Variants in PDK1 observed in about 807,000 individuals in gnomAD.
The protein encoded by PDK1 is pyruvate dehydrogenase kinase 1.
A neutral mutation model predicts 54.2 loss-of-function variants in PDK1; 39 were observed. The ratio of observed to expected loss-of-function variants is 0.72; its 90% CI spans 0.56 to 0.94. The LOEUF is 0.94. PDK1 is among the 40% of genes least tolerant of loss of function. PDK1 has a pLI of 0.00. For missense variants in PDK1, 552 were observed against 566.0 expected (o/e 0.98, Z 0.25); for synonymous variants, 221 against 207.1 (o/e 1.07, Z -0.58).
chr2:172,682,450 G>A, the PDK1 span, among the ~76,000 whole-genome samples: 1 of 152,246 alleles, frequency 6.6e-6, no homozygotes, highest in African/African-American at 2.4e-5. Flanking sequence ...CATAGGGAGT[G>A]TGGTGGAGAT....
chr2:172,640,960 T>C, the PDK1 span, among the ~76,000 whole-genome samples: 1 of 148,108 alleles, frequency 6.8e-6, no homozygotes, highest in Admixed American at 6.7e-5. Flanking sequence ...TCTCTTTCTC[T>C]GTTTCTCTCT....
At chr2:172,612,848 C>T (rs1445029086), downstream of PDK1, among the ~76,000 whole-genome samples, 2 of 151,986 alleles carry the variant, frequency 1.3e-5, no homozygotes, top group South Asian at 2.1e-4. Context: ...TTAGTGGAGA[C>T]GGGGTTTCAC....
At chr2:172,581,083 T>C (rs572232590) in intron 8 of PDK1, among the ~76,000 whole-genome samples, 8 of 152,294 alleles carry the variant, frequency 5.3e-5, no homozygotes, top group Non-Finnish European at 7.4e-5. Context: ...ATTAATTATA[T>C]GGTATATAAA....
chr2:172,640,225 G>A, the PDK1 span, among the ~76,000 whole-genome samples: 1 of 152,216 alleles, frequency 6.6e-6, no homozygotes, highest in Non-Finnish European at 1.5e-5. Context: ...ACTGGAGAAT[G>A]TAAACATTTT....
chr2:172,650,178 A>G, the PDK1 span, among the ~76,000 whole-genome samples: 3 of 152,228 alleles, frequency 2.0e-5, 1 homozygote, highest in Middle Eastern at 6.3e-3. Context: ...AGTGGGGGCC[A>G]ATATTCAACA....
At position 172,597,458 on chromosome 2, in the gene PDK1, C is replaced by T. The variant is rs541192644; in HGVS notation, c.*1489C>T. 1 of 152,224 alleles carries T rather than the reference C, an allele frequency of 6.6e-6. No homozygotes were observed. Among genetic ancestry groups the T allele is most frequent in the Non-Finnish European group, 1.5e-5 (1 of 68,034 alleles). 9.4% of individuals were successfully genotyped at this position (152,224 alleles called of 1,614,324 possible). A position where few individuals can be genotyped will look rare whatever the true frequency, so the allele number is the denominator to read the frequency against. Reference sequence around the variant, plus strand: ...ATATTTTCTAAAACTATCCAGATTTCATTATCAGGGAAAAGTTTGCTTAGG... The same window carrying T: ...ATATTTTCTAAAACTATCCAGATTTTATTATCAGGGAAAAGTTTGCTTAGG... On this transcript the variant is annotated 3_prime_UTR_variant, in exon 11 of 11. Transcript: ENST00000282077.
At chr2:172,616,567 G>T in the PDK1 span, among the ~76,000 whole-genome samples, 1 of 152,196 alleles carries the variant, frequency 6.6e-6, no homozygotes, top group East Asian at 1.9e-4. Flanking sequence ...CAGGCTAATG[G>T]TTGCATGGAT....
chr2:172,578,925 A>G (rs922301997), intron 8 of PDK1, among the ~76,000 whole-genome samples: 3 of 152,208 alleles, frequency 2.0e-5, no homozygotes, highest in African/African-American at 7.2e-5. Flanking sequence ...TGTTCAGGAG[A>G]ATATCTTCAA....
In PDK1 at chr2:172,596,257, G is replaced by A. The variant is rs1053560040; in HGVS notation, c.*288G>A. On this transcript the variant is annotated 3_prime_UTR_variant, in exon 11 of 11. Coordinates refer to ENST00000282077, the MANE Select transcript of PDK1 (RefSeq NM_002610.5). ...AGACTTCAGAAGTGTGGAAATCTTC[G>A]GGTTTCTATAGGAAACTAGTTTTTT... The A allele has an allele frequency of 4.4e-6, 1 of 228,458 alleles. No homozygotes were observed. The highest frequency in any genetic ancestry group is 1.7e-4 in the South Asian group (1 of 5,804). The allele number at this position is 228,458 out of a possible 1,614,324, so 14.2% of individuals were successfully genotyped here.
At chr2:172,585,517 G>A (rs2149273627) in intron 8 of PDK1, among the ~76,000 whole-genome samples, 1 of 151,760 alleles carries the variant, frequency 6.6e-6, no homozygotes, top group East Asian at 1.9e-4. Flanking sequence ...GTAGAGATGG[G>A]GTTTCGCTGT....
At chr2:172,650,188 A>G in the PDK1 span, among the ~76,000 whole-genome samples, 2 of 152,242 alleles carry the variant, frequency 1.3e-5, no homozygotes, top group Non-Finnish European at 2.9e-5. Flanking sequence ...AATATTCAAC[A>G]TTCTTAAAGA....
chr2:172,622,230 T>TATTATGTGAGATGTTTATATCTC, the PDK1 span, among the ~76,000 whole-genome samples: 8,090 of 125,926 alleles, frequency 0.064, 748 homozygotes, highest in Non-Finnish European at 0.086. Context: ...TTATATCTCA[T>TATTATGTGAGATGTTTATATCTC]ATATTATGTG....
the PDK1 span, among the ~76,000 whole-genome samples, chr2:172,614,794 T>G: frequency 6.6e-6 from 1 of 152,260 alleles, no homozygotes; most frequent in African/African-American, 2.4e-5. Context: ...CATAGAGGTT[T>G]CTGGCCAGAA....
the PDK1 span, among the ~76,000 whole-genome samples, chr2:172,709,396 C>G: frequency 6.6e-6 from 1 of 152,142 alleles, no homozygotes; most frequent in African/African-American, 2.4e-5. Flanking sequence ...AGTCCACCTA[C>G]CAAATGACCC....
At chr2:172,630,481 G>C in the PDK1 span, among the ~76,000 whole-genome samples, 1 of 152,168 alleles carries the variant, frequency 6.6e-6, no homozygotes, top group Non-Finnish European at 1.5e-5. Flanking sequence ...ATATTGGAGA[G>C]AACAGACAGA....
At chr2:172,716,241 C>T in the PDK1 span, among the ~76,000 whole-genome samples, 1 of 149,106 alleles carries the variant, frequency 6.7e-6, no homozygotes, top group African/African-American at 2.5e-5. Context: ...TTTACTTGGA[C>T]TACACATTCA....
At chr2:172,580,049 AGTTTT>A (rs1689812518) in intron 8 of PDK1, among the ~76,000 whole-genome samples, 1 of 150,612 alleles carries the variant, frequency 6.6e-6, no homozygotes, top group Non-Finnish European at 1.5e-5. Context: ...ATTCTGCTCT[AGTTTT>A]ATTTTATTGC....
chr2:172,682,966 T>C, the PDK1 span, among the ~76,000 whole-genome samples: 1 of 152,164 alleles, frequency 6.6e-6, no homozygotes, highest in South Asian at 2.1e-4. Flanking sequence ...TTTGTGCTGA[T>C]ACCTTATAAG....
At chr2:172,719,056 C>T in the PDK1 span, among the ~76,000 whole-genome samples, 2 of 152,108 alleles carry the variant, frequency 1.3e-5, no homozygotes, top group South Asian at 4.1e-4. Context: ...CTAGAAGGTA[C>T]TAAAAATTAG....
Sources: allele counts gnomAD v4.1 joint callset (sites outside exome capture counted in the v4.1 genomes callset), GRCh38; gene constraint gnomAD v4.1.1; transcripts MANE v1.5; gene names NCBI Gene and HGNC (gene_info 2026-07-23, HGNC 2026-07-21).